Variants in KIF4A observed in about 807,000 individuals in gnomAD.
KIF4A encodes the protein chromosome-associated kinesin KIF4A.
A neutral mutation model predicts 105.9 loss-of-function variants in KIF4A; 7 were observed. The observed-to-expected ratio is 0.07, with a 90% CI of 0.04 to 0.12. KIF4A has a LOEUF of 0.12. Ranked by LOEUF, KIF4A falls within the 10% of genes least tolerant of loss-of-function variation. The pLI is 1.00. For synonymous variants in KIF4A, 281 were observed against 331.3 expected (o/e 0.85, Z 1.65); for missense variants, 558 against 929.2 (o/e 0.60, Z 5.19).
chrX:70,322,468 C>T (rs944521495), intron 7 of KIF4A, among the ~76,000 whole-genome samples: 7 of 108,767 alleles, frequency 6.4e-5, no homozygotes, highest in Non-Finnish European at 9.5e-5. Context: ...CCCACCACCA[C>T]GCCCGGCTAA....
intron 7 of KIF4A, among the ~76,000 whole-genome samples, chrX:70,307,343 A>G (rs1722633361): frequency 9.0e-6 from 1 of 111,175 alleles, no homozygotes; most frequent in South Asian, 3.8e-4. Flanking sequence ...TATTAGTTCT[A>G]ATAGCTTTTT....
chrX:70,385,970 T>A (rs1380457441), intron 18 of KIF4A, among the ~76,000 whole-genome samples: 1 of 111,427 alleles, frequency 9.0e-6, no homozygotes, highest in Non-Finnish European at 1.9e-5. Context: ...ACCCAGATAG[T>A]GAACATAGTA....
At chrX:70,405,280 A>C (rs922389173) in intron 25 of KIF4A, among the ~76,000 whole-genome samples, 1 of 111,612 alleles carries the variant, frequency 9.0e-6, no homozygotes, top group African/African-American at 3.3e-5. Flanking sequence ...GCACTATTTT[A>C]GTCTAACTTA....
chrX:70,361,198 C>T (rs1220358450), intron 15 of KIF4A, among the ~76,000 whole-genome samples: 1 of 113,455 alleles, frequency 8.8e-6, no homozygotes, highest in East Asian at 2.8e-4. Flanking sequence ...TAACCTCTGC[C>T]CACACCACTA....
intron 11 of KIF4A, among the ~76,000 whole-genome samples, chrX:70,343,088 C>T (rs1226972242): frequency 2.7e-5 from 3 of 111,702 alleles, no homozygotes; most frequent in African/African-American, 9.8e-5. Flanking sequence ...AAGCTGCCTT[C>T]TGCTGTTTCT....
At chrX:70,357,911 A>G (rs964543608) in intron 15 of KIF4A, among the ~76,000 whole-genome samples, 11 of 109,339 alleles carry the variant, frequency 1.0e-4, no homozygotes, top group African/African-American at 2.0e-4. Flanking sequence ...TGTTGTTGTT[A>G]TTATTGTTGT....
chrX:70,315,329 C>G (rs2085865202), intron 7 of KIF4A, among the ~76,000 whole-genome samples: 2 of 111,959 alleles, frequency 1.8e-5, no homozygotes, highest in Non-Finnish European at 3.8e-5. Context: ...ATACCCTGGA[C>G]TAGTAAAGTT....
intron 14 of KIF4A, 112 bp downstream of exon 14, chrX:70,352,768 C>A (rs1313577510): frequency 6.4e-6 from 3 of 471,418 alleles, no homozygotes; most frequent in Non-Finnish European, 1.1e-5. Flanking sequence ...CCATAGAATG[C>A]CTGTTAAATC....
chrX:70,380,495 A>G (rs1034396940), intron 18 of KIF4A, among the ~76,000 whole-genome samples: 7 of 112,107 alleles, frequency 6.2e-5, no homozygotes, highest in African/African-American at 2.3e-4. Flanking sequence ...TGATAAAAAC[A>G]CTCAAGAAAC....
At chrX:70,413,836 C>CT (rs1485049804) in intron 28 of KIF4A, among the ~76,000 whole-genome samples, 2 of 110,603 alleles carry the variant, frequency 1.8e-5, no homozygotes, top group African/African-American at 3.3e-5. Flanking sequence ...AAGGAAATAT[C>CT]TAAGCTGAGG....
chrX:70,384,144 TTC>T (rs1424127601), intron 18 of KIF4A, among the ~76,000 whole-genome samples: 2 of 112,215 alleles, frequency 1.8e-5, no homozygotes, highest in Admixed American at 9.5e-5. Flanking sequence ...GGAATATATA[TTC>T]CACATTGACA....
chrX:70,318,993 G>A (rs1251414312), intron 7 of KIF4A, among the ~76,000 whole-genome samples: 1 of 111,852 alleles, frequency 8.9e-6, no homozygotes, highest in African/African-American at 3.3e-5. Context: ...GGCCGGGTGT[G>A]GTGGCTCGCG....
At chrX:70,405,952 G>A (rs1301944712) in intron 26 of KIF4A, 47 bp downstream of exon 26, 1 of 1,032,329 alleles carries the variant, frequency 9.7e-7, no homozygotes, top group South Asian at 1.9e-5. Flanking sequence ...AGACCCCGTT[G>A]CTACTGAGGC....
chrX:70,401,872 T>C (rs1012239692), intron 22 of KIF4A, among the ~76,000 whole-genome samples: 3 of 112,055 alleles, frequency 2.7e-5, no homozygotes, highest in African/African-American at 9.7e-5. Flanking sequence ...TTCCTTATAG[T>C]ACCAAACTTA....
intron 7 of KIF4A, among the ~76,000 whole-genome samples, chrX:70,321,301 G>A (rs950892052): frequency 9.8e-5 from 11 of 111,976 alleles, no homozygotes; most frequent in African/African-American, 3.6e-4. Context: ...CTACAACATA[G>A]CCACGTTTTA....
rs946935400 is a variant in KIF4A, at chrX:70,380,543, C to A, written c.2034+4333C>A. The stretch of plus-strand genomic sequence containing the variant: ...AGAACTTCCTCAGCGTAATAAAGGG[C>A]GTGTATGAAAAACCCACAGCTAACA... On this transcript the variant is annotated intron_variant, in intron 18 of 30. Coordinates refer to ENST00000374403, the MANE Select transcript of KIF4A (RefSeq NM_012310.5). Among the ~76,000 whole-genome samples, 4 of 111,599 alleles carry A rather than the reference C, an allele frequency of 3.6e-5. 1 individual carries two copies. In the Admixed American group the frequency reaches 3.8e-4, roughly 11 times the overall value.
In KIF4A at chrX:70,373,518, G is replaced by GTA. The variant is rs1181391456; in HGVS notation, c.1675-632_1675-631insAT. 2.4e-3 allele frequency among the ~76,000 whole-genome samples: 17 copies of GTA among 6,945 alleles called. 2 individuals carry two copies. The highest frequency in any genetic ancestry group is 3.8e-3 in the Non-Finnish European group (16 of 4,210). 6.0% of individuals were successfully genotyped at this position (6,945 alleles called of 115,157 possible). ...GGGCAACATATATATATACATGTGT[G>GTA]TGTATGTATATATATATATATATAT... On this transcript the variant is annotated intron_variant, in intron 15 of 30. Transcript: ENST00000374403.
At chrX:70,295,789 C>T (rs1309871775) in intron 3 of KIF4A, among the ~76,000 whole-genome samples, 1 of 107,636 alleles carries the variant, frequency 9.3e-6, no homozygotes, top group Non-Finnish European at 1.9e-5. Flanking sequence ...TGGTGGCACG[C>T]GTCTGTAATC....
rs1284794845 is a variant in KIF4A, at chrX:70,419,799, G to C, written c.3495+16G>C. ...CAATAGCAAGGTAGGTGGGCTAAAAGGCAGGCATTGGAAAACTGGATTAGC... is the reference window on the plus strand; with the variant it reads ...CAATAGCAAGGTAGGTGGGCTAAAACGCAGGCATTGGAAAACTGGATTAGC... On this transcript the variant is annotated intron_variant, in intron 30 of 30. Transcript: ENST00000374403. The C allele has an allele frequency of 8.3e-7, 1 of 1,210,634 alleles. No homozygotes were observed. The highest frequency in any genetic ancestry group is 1.8e-5 in the South Asian group (1 of 56,871).
Sources: allele counts gnomAD v4.1 joint callset (sites outside exome capture counted in the v4.1 genomes callset), GRCh38; gene constraint gnomAD v4.1.1; transcripts MANE v1.5; gene names NCBI Gene and HGNC (gene_info 2026-07-23, HGNC 2026-07-21).